SH3RF3: variants seen among roughly 807,000 people sequenced by gnomAD.
SH3RF3 encodes E3 ubiquitin-protein ligase SH3RF3.
A neutral mutation model predicts 66.3 loss-of-function variants in SH3RF3; 29 were observed. The ratio of observed to expected loss-of-function variants is 0.44; its 90% CI spans 0.33 to 0.60. The LOEUF is 0.60. Ranked by LOEUF, SH3RF3 falls within the 20% of genes least tolerant of loss-of-function variation. SH3RF3 has a pLI of 0.04. For missense variants in SH3RF3, 1,194 were observed against 1,190.9 expected, an observed-to-expected ratio of 1.00 and a Z score of -0.04; for synonymous variants, 583 against 532.0, an observed-to-expected ratio of 1.10 and a Z score of -1.32.
Position 109,161,711 on chromosome 2 carries a change from A to G in SH3RF3, c.573+31598A>G, listed in dbSNP as rs534485663. Among the ~76,000 whole-genome samples the G allele has an allele frequency of 1.8e-3, 275 of 151,998 alleles. 2 individuals carry two copies. Among genetic ancestry groups the G allele is most frequent in the African/African-American group, 6.5e-3 (269 of 41,462 alleles). On this transcript the variant is annotated intron_variant, in intron 1 of 9. Transcript: ENST00000309415. ...TCATACAGTGAGAGAGGAAGCCGGG[A>G]GCAGGACATGCCAGGCTTTTTGTAA...
At chr2:109,299,374 G>A (rs1187695803) in intron 1 of SH3RF3, among the ~76,000 whole-genome samples, 3 of 151,718 alleles carry the variant, frequency 2.0e-5, no homozygotes, top group African/African-American at 7.2e-5. Flanking sequence ...ACATATTCCA[G>A]AAAGTGTTTG....
intron 1 of SH3RF3, among the ~76,000 whole-genome samples, chr2:109,142,767 G>C (rs766781488): frequency 3.3e-5 from 5 of 152,226 alleles, no homozygotes; most frequent in Non-Finnish European, 7.3e-5. Flanking sequence ...AAGCATCGAG[G>C]ATTGTTGTTG....
intron 3 of SH3RF3, among the ~76,000 whole-genome samples, chr2:109,396,813 C>T (rs537861602): frequency 4.6e-5 from 7 of 152,350 alleles, no homozygotes; most frequent in East Asian, 1.9e-4. Flanking sequence ...GGCCACAGAG[C>T]GGGCGTGACT....
At chr2:109,393,273 G>A (rs897769584) in intron 3 of SH3RF3, among the ~76,000 whole-genome samples, 3 of 152,242 alleles carry the variant, frequency 2.0e-5, no homozygotes, top group Non-Finnish European at 2.9e-5. Flanking sequence ...TCTGGTCCAT[G>A]GAGGGTTCTC....
In SH3RF3 at chr2:109,289,558, A is replaced by G. The variant is rs1304179862; in HGVS notation, c.574-58116A>G. 2.6e-5 allele frequency among the ~76,000 whole-genome samples: 4 copies of G among 152,168 alleles called. No individual in the cohort carries two copies. In the East Asian group the frequency reaches 5.8e-4, roughly 22 times the overall value. On this transcript the variant is annotated intron_variant, in intron 1 of 9. Transcript: ENST00000309415. ...AAGGATCTTAGCAATTATGGGGACC[A>G]TGGTGTAGCACTGGGATATCTTACT...
At chr2:109,440,839 T>C (rs1677540240) in intron 7 of SH3RF3, among the ~76,000 whole-genome samples, 2 of 151,988 alleles carry the variant, frequency 1.3e-5, no homozygotes, top group South Asian at 4.1e-4. Flanking sequence ...CATATGAACA[T>C]GAGAAACGTA....
intron 1 of SH3RF3, among the ~76,000 whole-genome samples, chr2:109,240,559 C>T (rs922164957): frequency 3.9e-5 from 6 of 152,154 alleles, no homozygotes; most frequent in South Asian, 2.1e-4. Context: ...GTAGCAGAGT[C>T]CCCTGGTGTG....
At chr2:109,242,581 C>T (rs1021596640) in intron 1 of SH3RF3, among the ~76,000 whole-genome samples, 8 of 152,344 alleles carry the variant, frequency 5.3e-5, no homozygotes, top group African/African-American at 2.4e-5. Context: ...TGCCCCAGGC[C>T]GGCCTAGCCC....
intron 1 of SH3RF3, among the ~76,000 whole-genome samples, chr2:109,191,963 G>C (rs1318886157): frequency 6.6e-6 from 1 of 152,052 alleles, no homozygotes; most frequent in Non-Finnish European, 1.5e-5. Flanking sequence ...TTGACAAAAA[G>C]GGCCTCACAC....
intron 1 of SH3RF3, among the ~76,000 whole-genome samples, chr2:109,254,519 GC>G (rs1680173480): frequency 6.6e-6 from 1 of 152,244 alleles, no homozygotes. Context: ...CTGACACTGA[GC>G]TGATGTACCT....
At chr2:109,479,411 C>A (rs1678774605) in intron 8 of SH3RF3, among the ~76,000 whole-genome samples, 2 of 152,184 alleles carry the variant, frequency 1.3e-5, no homozygotes, top group Admixed American at 1.3e-4. Flanking sequence ...GCTCTGTGAC[C>A]TATCATTCTT....
At chr2:109,178,302 T>G (rs964600470) in intron 1 of SH3RF3, among the ~76,000 whole-genome samples, 5 of 152,228 alleles carry the variant, frequency 3.3e-5, no homozygotes, top group Non-Finnish European at 7.3e-5. Context: ...AGAGCTCTTT[T>G]ATGAATGTTC....
At chr2:109,455,513 CAT>C (rs527942481) in intron 8 of SH3RF3, among the ~76,000 whole-genome samples, 3 of 121,710 alleles carry the variant, frequency 2.5e-5, no homozygotes, top group Non-Finnish European at 3.6e-5. Flanking sequence ...ATGTATATCT[CAT>C]ATATGTGTGT....
chr2:109,364,469 A>G (rs1317193514), intron 2 of SH3RF3, among the ~76,000 whole-genome samples: 2 of 152,154 alleles, frequency 1.3e-5, no homozygotes, highest in South Asian at 2.1e-4. Context: ...CCACATCTCA[A>G]TCTGGTTCTG....
intron 7 of SH3RF3, 113 bp from the exon 8 acceptor site, chr2:109,449,057 A>G: frequency 7.9e-7 from 1 of 1,267,068 alleles, no homozygotes; most frequent in Non-Finnish European, 1.1e-6. Flanking sequence ...AACTTCAGAG[A>G]GAGGCTGTGA....
chr2:109,395,161 AG>A lies in SH3RF3; in HGVS notation c.946-3428del, dbSNP rs1433949334. On this transcript the variant is annotated intron_variant, in intron 3 of 9. Coordinates refer to ENST00000309415, the MANE Select transcript of SH3RF3 (RefSeq NM_001099289.3). ...GTGCCTGGGACTCCGCAGGCAGGCC[AG>A]TGCGTGCGCTACTCGCATGCCTGTG... Among the ~76,000 whole-genome samples, 3 of 152,270 alleles carry A rather than the reference AG, an allele frequency of 2.0e-5. No homozygotes were observed. In the East Asian group the frequency reaches 5.8e-4, roughly 29 times the overall value.
intron 8 of SH3RF3, among the ~76,000 whole-genome samples, chr2:109,469,176 C>T (rs540361695): frequency 2.0e-4 from 31 of 152,310 alleles, no homozygotes; most frequent in Admixed American, 5.2e-4. Flanking sequence ...TTCCACAGCC[C>T]GTGCTTACAC....
intron 8 of SH3RF3, among the ~76,000 whole-genome samples, chr2:109,452,344 G>T (rs1159190626): frequency 6.6e-6 from 1 of 152,152 alleles, no homozygotes; most frequent in African/African-American, 2.4e-5. Flanking sequence ...GATCATAGAT[G>T]TACACATGTC....
At chr2:109,196,415 G>A (rs1052355465) in intron 1 of SH3RF3, among the ~76,000 whole-genome samples, 1 of 152,182 alleles carries the variant, frequency 6.6e-6, no homozygotes, top group Non-Finnish European at 1.5e-5. Context: ...GCAGCCTCCT[G>A]CTGTGGCATG....
Sources: allele counts gnomAD v4.1 joint callset (sites outside exome capture counted in the v4.1 genomes callset), GRCh38; gene constraint gnomAD v4.1.1; transcripts MANE v1.5; gene names NCBI Gene and HGNC (gene_info 2026-07-23, HGNC 2026-07-21).